The following PRPF39 variants were observed in gnomAD, a reference collection of about 807,000 sequenced individuals.
PRPF39 encodes the protein pre-mRNA processing factor 39.
Under a neutral mutation model 82.1 loss-of-function variants are expected in PRPF39, and 27 were observed. The ratio of observed to expected loss-of-function variants is 0.33; its 90% CI spans 0.24 to 0.45. The LOEUF is 0.45. Ranked by LOEUF, PRPF39 falls within the 20% of genes least tolerant of loss-of-function variation. PRPF39 has a pLI of 1.00. For missense variants in PRPF39, 581 were observed against 796.9 expected (o/e 0.73, Z 3.26); for synonymous variants, 261 against 256.4 (o/e 1.02, Z -0.17).
chr14:45,096,833 C>T (rs906589955), intron 3 of PRPF39, 54 bp from the exon 4 acceptor site: 28 of 1,535,656 alleles, frequency 1.8e-5, no homozygotes, highest in Middle Eastern at 1.7e-4. Flanking sequence ...AGTGTTGCCT[C>T]TCTGTTAAGA....
chr14:45,111,758 G>C (rs1213937829), intron 10 of PRPF39, among the ~76,000 whole-genome samples: 4 of 149,236 alleles, frequency 2.7e-5, no homozygotes, highest in African/African-American at 9.9e-5. Context: ...CTTGCCTCAG[G>C]CTCCCAAGTA....
intron 10 of PRPF39, 80 bp from the exon 11 acceptor site, chr14:45,112,238 A>G (rs1405339561): frequency 1.6e-6 from 2 of 1,219,422 alleles, no homozygotes; most frequent in African/African-American, 3.2e-5. Context: ...AAATTGAGAC[A>G]TAAAAACTAA....
At position 45,110,131 on chromosome 14, in the gene PRPF39, T is replaced by G. The variant is rs1260592478; in HGVS notation, c.1214T>G (p.Val405Gly). 1 of 1,613,198 alleles carries G rather than the reference T, an allele frequency of 6.2e-7. No individual in the cohort carries two copies. Among genetic ancestry groups the G allele is most frequent in the Non-Finnish European group, 8.5e-7 (1 of 1,179,506 alleles). ...KYMENHSIEG[V>G]RHVFSRACTI... The stretch of plus-strand genomic sequence containing the variant: ...ATGGAAAACCATAGCATTGAAGGAG[T>G]GAGGCATGTCTTCAGCAGAGCTTGT... The change falls in exon 9 of 14, where the codon GTG (valine) becomes GGG (glycine). Residue 405 changes from valine to glycine, a missense_variant. Physicochemically the swap from Val to Gly is moderately radical, Grantham distance 109. Coordinates refer to ENST00000355765, the MANE Select transcript of PRPF39 (RefSeq NM_017922.4). This position sits in a 1 kb window ranked among gnomAD's most constrained non-coding sequence, Gnocchi z 4.0.
At chr14:45,086,040 T>C (rs1594720659) in intron 1 of PRPF39, among the ~76,000 whole-genome samples, 3 of 151,712 alleles carry the variant, frequency 2.0e-5, no homozygotes, top group Admixed American at 2.0e-4. Context: ...GCCTCCCGGG[T>C]TCAAGTCATT....
Position 45,110,943 on chromosome 14 carries a change from A to C in PRPF39, c.1572+126A>C. 1.0e-6 allele frequency: 1 copy of C among 959,572 alleles called. No individual in the cohort carries two copies. The highest frequency in any genetic ancestry group is 1.8e-5 in the South Asian group (1 of 55,302). The allele number at this position is 959,572 out of a possible 1,614,324, so 59.4% of individuals were successfully genotyped here. ...TAGATTTTATTACTAAATGAGGACA[A>C]CAGTCCCTCTAAACTGATGTTGCCA... On this transcript the variant is annotated intron_variant, in intron 10 of 13. Coordinates refer to ENST00000355765, the MANE Select transcript of PRPF39 (RefSeq NM_017922.4). This position sits in a 1 kb window ranked among gnomAD's most constrained non-coding sequence, Gnocchi z 4.0.
In PRPF39 at chr14:45,096,133, G is replaced by T; in HGVS notation, c.355G>T (p.Asp119Tyr). ...CTTGATGGCTGCCAGGAAGGCATTT[G>T]ACAGATTTTTCATACACTATCCGTA... ...NHLMAARKAF[D>Y]RFFIHYPYCY... is the part of the protein sequence containing the mutation. Residue 119 changes from aspartate to tyrosine, a missense_variant, in exon 3 of 14, where the codon GAC (aspartate) becomes TAC (tyrosine). Physicochemically the swap from Asp to Tyr is radical, Grantham distance 160. Transcript: ENST00000355765. 1 of 1,580,628 alleles carries T rather than the reference G, an allele frequency of 6.3e-7. No homozygotes were observed. Among genetic ancestry groups the T allele is most frequent in the Non-Finnish European group, 8.6e-7 (1 of 1,162,034 alleles).
intron 2 of PRPF39, among the ~76,000 whole-genome samples, chr14:45,095,889 G>A (rs1194470022): frequency 1.5e-5 from 2 of 130,002 alleles, no homozygotes; most frequent in Admixed American, 7.8e-5. Flanking sequence ...GCCTGTGTAG[G>A]TTTTTTTTTT....
chr14:45,112,886 T>C (rs1394480024), intron 11 of PRPF39, among the ~76,000 whole-genome samples: 1 of 152,194 alleles, frequency 6.6e-6, no homozygotes, highest in African/African-American at 2.4e-5. Context: ...AGTGCTATTT[T>C]CTGAGATTGG....
intron 1 of PRPF39, 113 bp downstream of exon 1, chr14:45,084,362 C>T (rs978240776): frequency 2.0e-5 from 3 of 152,688 alleles, no homozygotes; most frequent in East Asian, 1.9e-4. Flanking sequence ...CTCTCCCGCC[C>T]TGTTTGAGGC....
chr14:45,110,898 A>C lies in PRPF39; in HGVS notation c.1572+81A>C. 1 of 1,302,376 alleles carries C rather than the reference A, an allele frequency of 7.7e-7. No homozygotes were observed. The highest frequency in any genetic ancestry group is 1.0e-6 in the Non-Finnish European group (1 of 955,156). The allele number at this position is 1,302,376 out of a possible 1,614,324, so 80.7% of individuals were successfully genotyped here. ...ATTTTCACTGTGGCAACTGTGATGA[A>C]AGATTTGGTCTGTATGTAATAGATT... On this transcript the variant is annotated intron_variant, in intron 10 of 13. Coordinates refer to ENST00000355765, the MANE Select transcript of PRPF39 (RefSeq NM_017922.4). This position sits in a 1 kb window ranked among gnomAD's most constrained non-coding sequence, Gnocchi z 4.0.
intron 5 of PRPF39, among the ~76,000 whole-genome samples, chr14:45,103,365 C>A (rs1566695679): frequency 1.3e-5 from 2 of 152,000 alleles, no homozygotes; most frequent in African/African-American, 4.8e-5. Context: ...AGTATGAGGA[C>A]TGTGTCTTTG....
At chr14:45,095,649 A>G in intron 2 of PRPF39, 86 bp downstream of exon 2, 1 of 1,411,302 alleles carries the variant, frequency 7.1e-7, no homozygotes, top group Non-Finnish European at 9.3e-7. Context: ...ATTGTTTATG[A>G]TTAAAATTGA....
At position 45,110,737 on chromosome 14, in the gene PRPF39, C is replaced by G; in HGVS notation, c.1492C>G (p.Leu498Val). ...NNESSFYAVK[L>V]ARHLFKIQKN... Reference sequence around the variant, plus strand: ...TGAATCTTCATTTTATGCTGTCAAACTAGCCCGGCATCTTTTCAAAATACA... The same window carrying G: ...TGAATCTTCATTTTATGCTGTCAAAGTAGCCCGGCATCTTTTCAAAATACA... The change falls in exon 10 of 14, where the codon CTA becomes GTA. Residue 498 changes from leucine (L) to valine (V), a missense_variant. Coordinates refer to ENST00000355765, the MANE Select transcript of PRPF39 (RefSeq NM_017922.4). The surrounding 1 kb of genome is among the most constrained non-coding windows in gnomAD (Gnocchi z 4.0). The G allele has an allele frequency of 1.3e-6, 2 of 1,559,428 alleles. No homozygotes were observed. Among genetic ancestry groups the G allele is most frequent in the Non-Finnish European group, 1.7e-6 (2 of 1,150,730 alleles).
rs1212469234 is a variant in PRPF39 at position 45,102,616 on chromosome 14, G to A, written c.657G>A (p.Gln219=). The change falls in exon 5 of 14, where the codon CAG becomes CAA. Residue 219 remains glutamine, a synonymous_variant. Transcript: ENST00000355765. ...TGTATATAAACTGGGAAAATGAGCA[G>A]GGAAACCTGAGAGAAGTTACAGCTA... The part of the protein sequence containing the change: ...WEMYINWENE[Q]GNLREVTAIY... 3 of 1,611,638 alleles carry A rather than the reference G, an allele frequency of 1.9e-6. No homozygotes were observed. The highest frequency in any genetic ancestry group is 2.5e-6 in the Non-Finnish European group (3 of 1,178,318).
intron 3 of PRPF39, chr14:45,096,530 C>T: frequency 7.0e-7 from 1 of 1,431,620 alleles, no homozygotes; most frequent in South Asian, 1.2e-5. Flanking sequence ...ATTTATTTCT[C>T]ATTTTCCAAA....
intron 4 of PRPF39, among the ~76,000 whole-genome samples, chr14:45,099,338 TGA>T (rs1884298932): frequency 6.6e-6 from 1 of 152,172 alleles, no homozygotes; most frequent in South Asian, 2.1e-4. Context: ...TTTTAATTAC[TGA>T]GTTTTTCTTT....
chr14:45,086,883 A>G (rs913545249), intron 1 of PRPF39, among the ~76,000 whole-genome samples: 2 of 147,872 alleles, frequency 1.4e-5, no homozygotes, highest in African/African-American at 2.5e-5. Flanking sequence ...GCAGCCCACA[A>G]TAAGATGTAC....
rs762795408 is a variant in PRPF39, at chr14:45,116,177, T to C, written c.*1264T>C. On this transcript the variant is annotated 3_prime_UTR_variant, in exon 14 of 14. Coordinates refer to ENST00000355765, the MANE Select transcript of PRPF39 (RefSeq NM_017922.4). ...GTTTTATCATTGTTGCTAATATCCTTAGAGCTGAAGCACTGCTATTTCAAT... is the reference window on the plus strand; with the variant it reads ...GTTTTATCATTGTTGCTAATATCCTCAGAGCTGAAGCACTGCTATTTCAAT... The C allele has an allele frequency of 6.3e-6, 10 of 1,578,580 alleles. No individual in the cohort carries two copies. Among genetic ancestry groups the C allele is most frequent in the Non-Finnish European group, 8.7e-6 (10 of 1,148,084 alleles).
chr14:45,089,537 C>T (rs1441146000), intron 1 of PRPF39, among the ~76,000 whole-genome samples: 2 of 152,120 alleles, frequency 1.3e-5, no homozygotes, highest in African/African-American at 2.4e-5. Flanking sequence ...GGCACGATCA[C>T]GACTCACTGC....
Sources: gnomAD v4.1 joint callset for allele counts (sites outside exome capture counted in the v4.1 genomes callset) on GRCh38, gnomAD v4.1.1 for gene constraint, Gnocchi (gnomAD v3.1) non-coding constraint, MANE v1.5 for transcripts, NCBI Gene and HGNC (gene_info 2026-07-23, HGNC 2026-07-21) for gene names.